Variants in PCDHA7 observed in about 807,000 individuals in gnomAD.
PCDHA7 encodes the protein protocadherin alpha-7.
Under a neutral mutation model 57.2 loss-of-function variants are expected in PCDHA7, and 37 were observed. The observed-to-expected ratio is 0.65, with a 90% CI of 0.50 to 0.85. The LOEUF (loss-of-function observed/expected upper bound fraction) is 0.85, where lower values mean the gene tolerates loss of function less well. Ranked by LOEUF, PCDHA7 falls within the 40% of genes least tolerant of loss-of-function variation. The pLI is 0.00. For missense variants in PCDHA7, 1,188 were observed against 1,241.8 expected, an observed-to-expected ratio of 0.96 and a Z score of 0.65; for synonymous variants, 553 against 558.8, an observed-to-expected ratio of 0.99 and a Z score of 0.15.
At chr5:140,882,944 G>A (rs2059374287) in intron 1 of PCDHA7, 2 of 1,614,088 alleles carry the variant, frequency 1.2e-6, no homozygotes, top group Non-Finnish European at 8.5e-7. Flanking sequence ...GACTGGCACA[G>A]TTCAGCTGCT....
rs148283153 is a variant in PCDHA7, at chr5:140,857,227, G to C, written c.2355+20489G>C. On this transcript the variant is annotated intron_variant, in intron 1 of 3. Transcript: ENST00000525929. ...CCTGCTCTCTGACGCCTCACGTTCCGTTCAAGCTGGTGTCCACCTACAAGA... is the reference window on the plus strand; with the variant it reads ...CCTGCTCTCTGACGCCTCACGTTCCCTTCAAGCTGGTGTCCACCTACAAGA... 3.1e-6 allele frequency: 5 copies of C among 1,598,446 alleles called. 1 individual carries two copies. Among genetic ancestry groups the C allele is most frequent in the South Asian group, 1.1e-5 (1 of 90,546 alleles).
chr5:140,955,696 A>G (rs373393526), intron 1 of PCDHA7, among the ~76,000 whole-genome samples: 6 of 152,184 alleles, frequency 3.9e-5, no homozygotes, highest in East Asian at 1.9e-4. Flanking sequence ...GATGAATGTC[A>G]ATGGAAGTTT....
rs1779768738 is a variant in PCDHA7, at chr5:140,845,237, A to G, written c.2355+8499A>G. On this transcript the variant is annotated intron_variant, in intron 1 of 3. Coordinates refer to ENST00000525929, the MANE Select transcript of PCDHA7 (RefSeq NM_018910.3). ...TTTAAAAAATATGATTATCTTTATT[A>G]TCCTGTTTGAATAATATGTGTTTTC... 2.0e-5 allele frequency among the ~76,000 whole-genome samples: 3 copies of G among 149,564 alleles called. 1 individual carries two copies. The South Asian group carries it at 6.4e-4, about 32-fold the overall frequency.
intron 1 of PCDHA7, chr5:140,884,061 A>G: frequency 1.2e-6 from 2 of 1,613,342 alleles, no homozygotes; most frequent in Non-Finnish European, 1.7e-6. Flanking sequence ...CGCGCGGTGG[A>G]CGCCGATTCG....
intron 1 of PCDHA7, chr5:140,867,918 T>C (rs1236326427): frequency 6.6e-6 from 1 of 152,144 alleles, no homozygotes; most frequent in Non-Finnish European, 1.5e-5. Context: ...TAATTAAAAA[T>C]CACTTCCCTT....
chr5:140,957,698 A>T (rs1554223065), intron 1 of PCDHA7, among the ~76,000 whole-genome samples: 1 of 152,174 alleles, frequency 6.6e-6, no homozygotes. Flanking sequence ...AATGAACATT[A>T]TGTAGTTTTT....
At position 141,012,179 on chromosome 5, in the gene PCDHA7, T is replaced by C. The variant is rs2098423152; in HGVS notation, c.*2242T>C. ...GGGCTAATTTATTAATGATGATAAT[T>C]ATAATGTATCTGTACAGCACTTTTT... is the stretch of plus-strand genomic sequence containing the variant. On this transcript the variant is annotated 3_prime_UTR_variant, in exon 4 of 4. Coordinates refer to ENST00000525929, the MANE Select transcript of PCDHA7 (RefSeq NM_018910.3). 1 of 153,764 alleles carries C rather than the reference T, an allele frequency of 6.5e-6. No individual in the cohort carries two copies. Among genetic ancestry groups the C allele is most frequent in the South Asian group, 2.1e-4 (1 of 4,828 alleles). 9.5% of individuals were successfully genotyped at this position (153,764 alleles called of 1,614,324 possible). A position where few individuals can be genotyped will look rare whatever the true frequency, so the allele number is the denominator to read the frequency against.
At chr5:140,853,910 T>G (rs2042903621) in intron 1 of PCDHA7, 1 of 948,962 alleles carries the variant, frequency 1.1e-6, no homozygotes, top group Non-Finnish European at 1.3e-6. Context: ...GCCTGACACC[T>G]GCAATCCCAA....
At chr5:140,882,567 C>T (rs1554174625) in intron 1 of PCDHA7, 12 of 1,614,092 alleles carry the variant, frequency 7.4e-6, no homozygotes, top group East Asian at 2.2e-5. Context: ...GGGCGGAGCG[C>T]GGAGTGCAGC....
At chr5:140,892,552 T>A (rs1041756319) in intron 1 of PCDHA7, among the ~76,000 whole-genome samples, 1 of 152,222 alleles carries the variant, frequency 6.6e-6, no homozygotes, top group East Asian at 1.9e-4. Flanking sequence ...GTTTCTCTAG[T>A]CCTTGGAGAC....
chr5:140,954,543 A>G (rs1344952646), intron 1 of PCDHA7, among the ~76,000 whole-genome samples: 1 of 151,924 alleles, frequency 6.6e-6, no homozygotes, highest in Non-Finnish European at 1.5e-5. Flanking sequence ...TTTTTTTCAT[A>G]TGTTTGTTGG....
intron 3 of PCDHA7, among the ~76,000 whole-genome samples, chr5:141,007,395 C>CAAA (rs35800918): frequency 7.4e-5 from 7 of 94,852 alleles, no homozygotes; most frequent in Non-Finnish European, 1.2e-4. Flanking sequence ...TACTAAAATA[C>CAAA]AAAAAAAAAA....
At chr5:140,973,449 C>CT (rs2096588066) in intron 1 of PCDHA7, among the ~76,000 whole-genome samples, 1 of 152,188 alleles carries the variant, frequency 6.6e-6, no homozygotes, top group African/African-American at 2.4e-5. Flanking sequence ...TTTATAATGA[C>CT]TGGGGCTGTT....
chr5:140,876,020 A>G, intron 1 of PCDHA7: 2 of 1,613,802 alleles, frequency 1.2e-6, no homozygotes, highest in South Asian at 1.1e-5. Flanking sequence ...CTTAAAATAA[A>G]AACAAAAAAA....
chr5:140,870,627 G>C, intron 1 of PCDHA7: 4 of 1,613,028 alleles, frequency 2.5e-6, no homozygotes, highest in Non-Finnish European at 3.4e-6. Context: ...GCTACGTGTC[G>C]GTGCACGCGG....
intron 1 of PCDHA7, among the ~76,000 whole-genome samples, chr5:140,886,964 A>T (rs2061244320): frequency 6.6e-6 from 1 of 152,114 alleles, no homozygotes; most frequent in Admixed American, 6.5e-5. Context: ...TTAGCAACGA[A>T]ATTTATTATT....
chr5:140,900,022 T>C (rs1554188836), intron 1 of PCDHA7, among the ~76,000 whole-genome samples: 1 of 152,044 alleles, frequency 6.6e-6, no homozygotes, highest in African/African-American at 2.4e-5. Flanking sequence ...GTTACCCAGT[T>C]TGGCCTTGAA....
rs141079325 is a variant in PCDHA7 at position 140,900,797 on chromosome 5, T to C, written c.2355+64059T>C. Among the ~76,000 whole-genome samples the C allele has an allele frequency of 8.0e-3, 1,218 of 152,324 alleles. 6 individuals carry two copies. Among genetic ancestry groups the C allele is most frequent in the African/African-American group, 0.019 (783 of 41,568 alleles). On this transcript the variant is annotated intron_variant, in intron 1 of 3. Coordinates refer to ENST00000525929, the MANE Select transcript of PCDHA7 (RefSeq NM_018910.3). ...TGAGGAAACTCCAAACTGTTCTCCA[T>C]AGTGCTTGTACTAATTTACATTCCC...
chr5:141,001,089 C>G (rs972790418), intron 3 of PCDHA7, among the ~76,000 whole-genome samples: 2 of 152,042 alleles, frequency 1.3e-5, no homozygotes, highest in Admixed American at 1.3e-4. Flanking sequence ...ACCCCATAAA[C>G]TGTCTAATCC....
Sources: gnomAD v4.1 joint callset for allele counts (sites outside exome capture counted in the v4.1 genomes callset) on GRCh38, gnomAD v4.1.1 for gene constraint, MANE v1.5 for transcripts, NCBI Gene and HGNC (gene_info 2026-07-23, HGNC 2026-07-21) for gene names.